IQSEC1: variants seen among roughly 807,000 people sequenced by gnomAD.
IQSEC1 encodes the protein IQ motif and Sec7 domain ArfGEF 1.
In IQSEC1, 31 loss-of-function variants were observed where a neutral mutation model predicts 91.0. The observed-to-expected ratio is 0.34, with a 90% CI of 0.26 to 0.46. IQSEC1 has a LOEUF of 0.46. Among genes scored for constraint, IQSEC1 ranks in the 20% least tolerant of loss-of-function variants. IQSEC1 has a pLI of 1.00. For missense variants in IQSEC1, 1,388 were observed against 1,575.6 expected, an observed-to-expected ratio of 0.88 and a Z score of 2.02; for synonymous variants, 699 against 662.6, an observed-to-expected ratio of 1.05 and a Z score of -0.84.
At chr3:12,915,974 C>T (rs556530368) in intron 6 of IQSEC1, among the ~76,000 whole-genome samples, 33 of 152,322 alleles carry the variant, frequency 2.2e-4, no homozygotes, top group African/African-American at 7.2e-4. Flanking sequence ...GCTGAGCCAC[C>T]TCTAAGCCAT....
At chr3:13,065,498 C>G (rs78789661) in intron 1 of IQSEC1, among the ~76,000 whole-genome samples, 23,766 of 152,162 alleles carry the variant, frequency 0.16, 2,100 homozygotes, top group Middle Eastern at 0.31. Flanking sequence ...ATCACTCACA[C>G]TTTTATTCAA....
chr3:13,123,763 C>T (rs561116178), intron 2 of IQSEC1, among the ~76,000 whole-genome samples: 24 of 152,304 alleles, frequency 1.6e-4, no homozygotes, highest in African/African-American at 5.5e-4. Context: ...GGAAGCCTGG[C>T]TGTGCTCCCG....
intron 1 of IQSEC1, among the ~76,000 whole-genome samples, chr3:13,173,416 T>C (rs1024303835): frequency 6.6e-6 from 1 of 152,190 alleles, no homozygotes; most frequent in African/African-American, 2.4e-5. Context: ...GGGGCCTTGC[T>C]CCCTGCACCA....
At chr3:13,254,400 C>T (rs1695251149) in intron 1 of IQSEC1, among the ~76,000 whole-genome samples, 2 of 152,326 alleles carry the variant, frequency 1.3e-5, no homozygotes, top group Admixed American at 1.3e-4. Flanking sequence ...CATGTCCAGC[C>T]CTCTTCCCTG....
intron 1 of IQSEC1, among the ~76,000 whole-genome samples, chr3:13,218,851 G>A (rs1694598722): frequency 6.6e-6 from 1 of 152,158 alleles, no homozygotes; most frequent in African/African-American, 2.4e-5. Context: ...GGAACCTGGA[G>A]GAAGGAGGGC....
In IQSEC1 at chr3:12,935,136, C is replaced by A. The variant is rs1698052526; in HGVS notation, c.1568+312G>T. ...GCGCAGGGCATGGCCCAACATACCC[C>A]ACTTGCTATGGCGGACTTGGGGGGG... On this transcript the variant is annotated intron_variant, in intron 3 of 13. Transcript: ENST00000613206. The surrounding 1 kb of genome is among the most constrained non-coding windows in gnomAD (Gnocchi z 8.0). Among the ~76,000 whole-genome samples the A allele has an allele frequency of 6.6e-6, 1 of 152,220 alleles. No individual in the cohort carries two copies. Among genetic ancestry groups the A allele is most frequent in the Admixed American group, 6.5e-5 (1 of 15,286 alleles).
chr3:12,965,933 G>A (rs1487501068), intron 1 of IQSEC1, among the ~76,000 whole-genome samples: 1 of 152,198 alleles, frequency 6.6e-6, no homozygotes, highest in Non-Finnish European at 1.5e-5. Flanking sequence ...GGTGCCTAGA[G>A]CAGGGACTGG....
chr3:13,263,658 G>A (rs1235472705), intron 1 of IQSEC1, among the ~76,000 whole-genome samples: 4 of 152,182 alleles, frequency 2.6e-5, no homozygotes, highest in Non-Finnish European at 5.9e-5. Flanking sequence ...GGCCAGGCTG[G>A]TCTTGAACTC....
intron 1 of IQSEC1, among the ~76,000 whole-genome samples, chr3:13,260,164 C>T (rs1387522745): frequency 1.3e-5 from 2 of 152,090 alleles, no homozygotes; most frequent in South Asian, 2.1e-4. Context: ...GAGGTGAAAG[C>T]GTGGAGGAGG....
At chr3:12,950,223 G>A (rs1211275772) in intron 1 of IQSEC1, among the ~76,000 whole-genome samples, 1 of 152,230 alleles carries the variant, frequency 6.6e-6, no homozygotes, top group Non-Finnish European at 1.5e-5. Flanking sequence ...ACAGAGCAGA[G>A]CCAAGATTCA....
Position 12,941,559 on chromosome 3 carries a change from G to C in IQSEC1, c.318+12C>G, listed in dbSNP as rs1301647675. ...GCTTGCATGTGTGGCCTGAGGGGCT[G>C]TGCTCTCCTACCTGCTTGTCCTGCA... On this transcript the variant is annotated intron_variant, in intron 2 of 13. Transcript: ENST00000613206. 4 of 1,549,416 alleles carry C rather than the reference G, an allele frequency of 2.6e-6. No individual in the cohort carries two copies. Among genetic ancestry groups the C allele is most frequent in the Non-Finnish European group, 3.5e-6 (4 of 1,141,504 alleles).
intron 1 of IQSEC1, among the ~76,000 whole-genome samples, chr3:13,278,557 G>A (rs1287480891): frequency 1.3e-5 from 2 of 152,176 alleles, no homozygotes; most frequent in Non-Finnish European, 2.9e-5. Flanking sequence ...GGTGGCTCAC[G>A]CCTGTAATCC....
At chr3:13,125,721 C>A (rs902016086) in intron 2 of IQSEC1, among the ~76,000 whole-genome samples, 2 of 152,194 alleles carry the variant, frequency 1.3e-5, no homozygotes, top group African/African-American at 4.8e-5. Context: ...GGATAAGGGC[C>A]CTACTCATGC....
chr3:13,176,283 G>A (rs540490234), intron 1 of IQSEC1, among the ~76,000 whole-genome samples: 14 of 152,294 alleles, frequency 9.2e-5, no homozygotes, highest in South Asian at 6.2e-4. Flanking sequence ...CCAGAACAAC[G>A]TCAGAACTGG....
chr3:12,907,274 C>A (rs1217733604), intron 12 of IQSEC1, among the ~76,000 whole-genome samples: 1 of 152,100 alleles, frequency 6.6e-6, no homozygotes, highest in African/African-American at 2.4e-5. Context: ...GGGCAGACTC[C>A]AAAGGGCCTG....
chr3:13,174,013 C>A (rs145514137), intron 1 of IQSEC1, among the ~76,000 whole-genome samples: 23 of 152,248 alleles, frequency 1.5e-4, no homozygotes, highest in African/African-American at 4.8e-4. Context: ...CTAGGAGAGG[C>A]GGCCAAGACA....
intron 2 of IQSEC1, among the ~76,000 whole-genome samples, chr3:13,110,179 G>T (rs982504103): frequency 6.6e-6 from 1 of 152,076 alleles, no homozygotes; most frequent in Admixed American, 6.5e-5. Context: ...ACGGTACCCG[G>T]CTGGATTAAA....
chr3:13,225,799 A>C (rs1282195841), intron 1 of IQSEC1, among the ~76,000 whole-genome samples: 1 of 152,234 alleles, frequency 6.6e-6, no homozygotes, highest in Non-Finnish European at 1.5e-5. Flanking sequence ...TGGGTAAGGA[A>C]GAAAAGGTTT....
At chr3:13,150,853 A>C (rs1279984587) in intron 2 of IQSEC1, among the ~76,000 whole-genome samples, 1 of 152,230 alleles carries the variant, frequency 6.6e-6, no homozygotes, top group Non-Finnish European at 1.5e-5. Flanking sequence ...TGCTGAGACA[A>C]AGAGCCCCAC....
Sources: gnomAD v4.1 joint callset for allele counts (sites outside exome capture counted in the v4.1 genomes callset) on GRCh38, gnomAD v4.1.1 for gene constraint, Gnocchi (gnomAD v3.1) non-coding constraint, MANE v1.5 for transcripts, NCBI Gene and HGNC (gene_info 2026-07-23, HGNC 2026-07-21) for gene names.